The following THSD7A variants were observed in gnomAD, a reference collection of about 807,000 sequenced individuals.
The protein encoded by THSD7A is thrombospondin type 1 domain containing 7A.
A neutral mutation model predicts 231.3 loss-of-function variants in THSD7A; 96 were observed. That is an observed-to-expected ratio of 0.41 (90% CI 0.35 to 0.49). The LOEUF (loss-of-function observed/expected upper bound fraction) is 0.49. Among genes scored for constraint, THSD7A ranks in the 20% least tolerant of loss-of-function variants. The pLI is 0.05. For synonymous variants in THSD7A, 940 were observed against 743.3 expected (o/e 1.26, Z -4.30); for missense variants, 2,290 against 2,070.2 (o/e 1.11, Z -2.06).
intron 23 of THSD7A, among the ~76,000 whole-genome samples, chr7:11,398,323 G>A (rs1783269953): frequency 6.6e-6 from 1 of 152,076 alleles, no homozygotes; most frequent in Admixed American, 6.5e-5. Flanking sequence ...ATTCATAATT[G>A]GGAGTTGAAC....
intron 1 of THSD7A, among the ~76,000 whole-genome samples, chr7:11,757,192 G>A (rs1290744050): frequency 6.6e-6 from 1 of 151,964 alleles, no homozygotes; most frequent in Non-Finnish European, 1.5e-5. Flanking sequence ...AAGCACAATG[G>A]TAGAACAGCA....
At chr7:11,756,269 G>A (rs149848777) in intron 1 of THSD7A, among the ~76,000 whole-genome samples, 2 of 152,000 alleles carry the variant, frequency 1.3e-5, no homozygotes, top group Non-Finnish European at 2.9e-5. Flanking sequence ...AATAAATGTT[G>A]TGCATACAAA....
intron 6 of THSD7A, among the ~76,000 whole-genome samples, chr7:11,503,041 C>A (rs1419501951): frequency 6.6e-6 from 1 of 152,108 alleles, no homozygotes; most frequent in Non-Finnish European, 1.5e-5. Context: ...CTGAGGGCAT[C>A]ACATTCCCCT....
chr7:11,493,023 T>C (rs1297104031), intron 6 of THSD7A, among the ~76,000 whole-genome samples: 2 of 152,128 alleles, frequency 1.3e-5, no homozygotes, highest in African/African-American at 2.4e-5. Flanking sequence ...GAACCACACA[T>C]GTATTAGGAA....
intron 4 of THSD7A, among the ~76,000 whole-genome samples, chr7:11,580,792 G>T (rs191881154): frequency 4.6e-5 from 7 of 152,028 alleles, no homozygotes; most frequent in African/African-American, 1.7e-4. Flanking sequence ...TGGATACTAG[G>T]CTTAATATCT....
intron 4 of THSD7A, among the ~76,000 whole-genome samples, chr7:11,586,531 A>G (rs916043666): frequency 5.3e-5 from 8 of 152,214 alleles, no homozygotes; most frequent in African/African-American, 1.9e-4. Context: ...GGAACAGGAA[A>G]GACACAGCAC....
intron 13 of THSD7A, 61 bp downstream of exon 13, chr7:11,446,000 T>C: frequency 1.9e-6 from 3 of 1,592,160 alleles, no homozygotes; most frequent in Non-Finnish European, 2.6e-6. Context: ...CTATGATGCG[T>C]GTGCATTTTC....
chr7:11,697,682 T>C (rs1182663316), intron 1 of THSD7A, among the ~76,000 whole-genome samples: 1 of 151,334 alleles, frequency 6.6e-6, no homozygotes, highest in Non-Finnish European at 1.5e-5. Context: ...TGTCTTCTCA[T>C]TTATCCTCAG....
intron 6 of THSD7A, among the ~76,000 whole-genome samples, chr7:11,507,641 T>C (rs1030538104): frequency 6.6e-6 from 1 of 151,834 alleles, no homozygotes; most frequent in Non-Finnish European, 1.5e-5. Context: ...AGTTGTTACA[T>C]ACAAATAGAT....
At chr7:11,527,968 T>C (rs994639355) in intron 6 of THSD7A, among the ~76,000 whole-genome samples, 2 of 151,976 alleles carry the variant, frequency 1.3e-5, no homozygotes, top group African/African-American at 2.4e-5. Flanking sequence ...TCTCGGGCCA[T>C]AGAGTAAGAC....
chr7:11,556,562 G>A (rs1428699693), intron 4 of THSD7A, among the ~76,000 whole-genome samples: 6 of 151,744 alleles, frequency 4.0e-5, no homozygotes, highest in Non-Finnish European at 5.9e-5. Flanking sequence ...TTGTTTACCC[G>A]CTCTTTCTCC....
chr7:11,654,913 A>G (rs1476489264), intron 1 of THSD7A, among the ~76,000 whole-genome samples: 1 of 152,002 alleles, frequency 6.6e-6, no homozygotes, highest in Non-Finnish European at 1.5e-5. Flanking sequence ...AATGTTCGAT[A>G]AGGAATATGA....
chr7:11,659,623 G>A (rs987343964), intron 1 of THSD7A, among the ~76,000 whole-genome samples: 1 of 151,346 alleles, frequency 6.6e-6, no homozygotes, highest in Non-Finnish European at 1.5e-5. Flanking sequence ...GATTACTAGT[G>A]CCTTGAAGGT....
At position 11,406,210 on chromosome 7, in the gene THSD7A, C is replaced by T. The variant is rs1301764094; in HGVS notation, c.4237+90G>A. ...TACTGAATAAGAAGACTGTTGACAT[C>T]CTGTAACTTATACTTTATATGCAAC... On this transcript the variant is annotated intron_variant, in intron 22 of 27. Coordinates refer to ENST00000423059, the MANE Select transcript of THSD7A (RefSeq NM_015204.3). This position sits in a 1 kb window ranked among gnomAD's most constrained non-coding sequence, Gnocchi z 4.7. 4 of 1,300,420 alleles carry T rather than the reference C, an allele frequency of 3.1e-6. No individual in the cohort carries two copies. The highest frequency in any genetic ancestry group is 4.3e-6 in the Non-Finnish European group (4 of 941,102). 80.6% of individuals were successfully genotyped at this position (1,300,420 alleles called of 1,614,324 possible). A position where few individuals can be genotyped will look rare whatever the true frequency, so the allele number is the denominator to read the frequency against.
chr7:11,438,867 C>T (rs1784714418), intron 13 of THSD7A, among the ~76,000 whole-genome samples: 1 of 151,904 alleles, frequency 6.6e-6, no homozygotes, highest in Non-Finnish European at 1.5e-5. Flanking sequence ...GTAAATAAAC[C>T]TAGAACCCTC....
At chr7:11,728,039 G>A (rs376790708) in intron 1 of THSD7A, among the ~76,000 whole-genome samples, 1 of 151,974 alleles carries the variant, frequency 6.6e-6, no homozygotes, top group East Asian at 1.9e-4. Flanking sequence ...TCCAAGTATG[G>A]TCAAGGGACC....
At chr7:11,596,004 G>T (rs1780346291) in intron 2 of THSD7A, among the ~76,000 whole-genome samples, 1 of 152,148 alleles carries the variant, frequency 6.6e-6, no homozygotes, top group Admixed American at 6.5e-5. Flanking sequence ...ATTTATATAG[G>T]CAGAAAACTT....
intron 2 of THSD7A, among the ~76,000 whole-genome samples, chr7:11,605,134 T>C (rs1269830540): frequency 6.6e-6 from 1 of 152,086 alleles, no homozygotes; most frequent in East Asian, 1.9e-4. Flanking sequence ...TTACTTAGAA[T>C]TGACATATTT....
At chr7:11,542,441 T>C (rs1405171827) in intron 5 of THSD7A, among the ~76,000 whole-genome samples, 2 of 152,236 alleles carry the variant, frequency 1.3e-5, no homozygotes, top group Non-Finnish European at 2.9e-5. Context: ...TATTCCTCTA[T>C]CATTTGCATA....
Sources: gnomAD v4.1 joint callset for allele counts (sites outside exome capture counted in the v4.1 genomes callset) on GRCh38, gnomAD v4.1.1 for gene constraint, Gnocchi (gnomAD v3.1) non-coding constraint, MANE v1.5 for transcripts, NCBI Gene and HGNC (gene_info 2026-07-23, HGNC 2026-07-21) for gene names.